PTBP2: variants seen among roughly 807,000 people sequenced by gnomAD.
The protein encoded by PTBP2 is polypyrimidine tract-binding protein 2.
A neutral mutation model predicts 61.4 loss-of-function variants in PTBP2; 13 were observed. The observed-to-expected ratio is 0.21, with a 90% confidence interval of 0.14 to 0.34. PTBP2 has a LOEUF of 0.34. Among genes scored for constraint, PTBP2 ranks in the 10% least tolerant of loss-of-function variants. The probability of loss-of-function intolerance (pLI) is 1.00; values close to 1 mark genes in which losing one functional copy is unlikely to be tolerated. For missense variants in PTBP2, 405 were observed against 642.6 expected, an observed-to-expected ratio of 0.63 and a Z score of 4.00; for synonymous variants, 215 against 218.5, an observed-to-expected ratio of 0.98 and a Z score of 0.14.
At chr1:96,791,864 C>T (rs1447833181) in intron 8 of PTBP2, among the ~76,000 whole-genome samples, 2 of 66,878 alleles carry the variant, frequency 3.0e-5, no homozygotes, top group Non-Finnish European at 4.8e-5. Context: ...TAGAGTCTGG[C>T]TCTGTCACCC....
At chr1:96,797,381 T>G (rs1390089727) in intron 8 of PTBP2, among the ~76,000 whole-genome samples, 4 of 152,178 alleles carry the variant, frequency 2.6e-5, no homozygotes, top group Non-Finnish European at 5.9e-5. Flanking sequence ...AGTGTAGTTG[T>G]TAGTGGTAGA....
Position 96,769,879 on chromosome 1 carries a change from C to T in PTBP2, c.288+4C>T, listed in dbSNP as rs758465346. ...TATGCTGAAAGGAAAAAATCAGGTACACTTCTTTCAGGGTTTATGAAATGT... is the reference window on the plus strand; with the variant it reads ...TATGCTGAAAGGAAAAAATCAGGTATACTTCTTTCAGGGTTTATGAAATGT... On this transcript the variant is annotated splice_donor_region_variant and intron_variant, in intron 4 of 13. Coordinates refer to ENST00000674951, the MANE Select transcript of PTBP2 (RefSeq NM_021190.4). 23 of 1,579,072 alleles carry T rather than the reference C, an allele frequency of 1.5e-5. No homozygotes were observed. In the South Asian group the frequency reaches 2.6e-4, roughly 18 times the overall value.
chr1:96,756,861 A>G (rs897949127), intron 3 of PTBP2, among the ~76,000 whole-genome samples: 2 of 152,210 alleles, frequency 1.3e-5, no homozygotes, highest in African/African-American at 4.8e-5. Flanking sequence ...TGATAGATAC[A>G]TGTCATACAT....
chr1:96,750,608 A>G (rs925777087), intron 2 of PTBP2, among the ~76,000 whole-genome samples: 6 of 151,710 alleles, frequency 4.0e-5, no homozygotes, highest in African/African-American at 1.2e-4. Flanking sequence ...TCCTTTGCAC[A>G]TTTTTTTCAT....
intron 2 of PTBP2, among the ~76,000 whole-genome samples, chr1:96,744,521 T>A (rs1182307080): frequency 6.6e-6 from 1 of 152,210 alleles, no homozygotes; most frequent in Non-Finnish European, 1.5e-5. Flanking sequence ...CCACGTCTTA[T>A]GTCTTGATCA....
intron 2 of PTBP2, among the ~76,000 whole-genome samples, chr1:96,733,188 G>GCTAA (rs558415679): frequency 1.2e-3 from 178 of 151,270 alleles, no homozygotes; most frequent in African/African-American, 4.1e-3. Context: ...ACATAACTCG[G>GCTAA]CTGTTAGCTT....
chr1:96,770,675 T>C, intron 4 of PTBP2, 33 bp from the exon 5 acceptor site: 1 of 1,552,828 alleles, frequency 6.4e-7, no homozygotes, highest in African/African-American at 1.4e-5. Context: ...TTTGAATTTA[T>C]AGTATTAAAA....
chr1:96,725,490 G>T (rs1007810347), intron 2 of PTBP2, among the ~76,000 whole-genome samples: 1 of 151,888 alleles, frequency 6.6e-6, no homozygotes, highest in Admixed American at 6.6e-5. Flanking sequence ...TAGTAGAGAC[G>T]GGGTTTCACC....
chr1:96,817,538 A>G (rs1662531518), downstream of PTBP2: 1 of 152,150 alleles, frequency 6.6e-6, no homozygotes, highest in South Asian at 2.1e-4. Flanking sequence ...ATTCACATTA[A>G]GAACTGTTCA....
rs1433112975 is a variant in PTBP2, at chr1:96,777,492, GT to G, written c.433-91del. On this transcript the variant is annotated intron_variant, in intron 5 of 13. Coordinates refer to ENST00000674951, the MANE Select transcript of PTBP2 (RefSeq NM_021190.4). ...ATTTAATTTTGTTTAATCTGTGTAAGTTCTAGGAACAAAGTGAACTAGTAGT... is the reference window on the plus strand; with the variant it reads ...ATTTAATTTTGTTTAATCTGTGTAAGTCTAGGAACAAAGTGAACTAGTAGT... The G allele has an allele frequency of 7.7e-6, 9 of 1,166,652 alleles. No individual in the cohort carries two copies. In the African/African-American group the frequency reaches 1.4e-4, roughly 18 times the overall value. The allele number at this position is 1,166,652 out of a possible 1,614,324, so 72.3% of individuals were successfully genotyped here.
intron 1 of PTBP2, among the ~76,000 whole-genome samples, chr1:96,723,330 A>G (rs1649899992): frequency 6.6e-6 from 1 of 152,150 alleles, no homozygotes; most frequent in Admixed American, 6.5e-5. Context: ...TGGCTATTGA[A>G]TGTGTTGTTA....
chr1:96,808,678 AT>A (rs1661732505), intron 11 of PTBP2, among the ~76,000 whole-genome samples: 2 of 152,118 alleles, frequency 1.3e-5, no homozygotes, highest in African/African-American at 2.4e-5. Flanking sequence ...AGGGCTTATA[AT>A]TTTTGGACTA....
chr1:96,764,381 T>C (rs959913291), intron 3 of PTBP2, among the ~76,000 whole-genome samples: 1 of 152,224 alleles, frequency 6.6e-6, no homozygotes, highest in Non-Finnish European at 1.5e-5. Flanking sequence ...TTTGTAACTA[T>C]TTAGCAGTGA....
At chr1:96,726,680 G>A (rs1650589548) in intron 2 of PTBP2, among the ~76,000 whole-genome samples, 1 of 152,066 alleles carries the variant, frequency 6.6e-6, no homozygotes, top group African/African-American at 2.4e-5. Flanking sequence ...CTCGTGATCT[G>A]CCTGCCTCGG....
At chr1:96,760,060 C>G (rs554723430) in intron 3 of PTBP2, among the ~76,000 whole-genome samples, 1 of 152,240 alleles carries the variant, frequency 6.6e-6, no homozygotes, top group Admixed American at 6.5e-5. Flanking sequence ...CCCCATGATT[C>G]AGTTAACTCC....
chr1:96,797,277 C>G (rs1660489046), intron 8 of PTBP2, among the ~76,000 whole-genome samples: 1 of 151,694 alleles, frequency 6.6e-6, no homozygotes, highest in African/African-American at 2.4e-5. Flanking sequence ...TTGAGGGAGA[C>G]CAAAAATGAC....
At chr1:96,820,926 A>G (rs1662665041) in exon 14 of PTBP2, 1 of 152,160 alleles carries the variant, frequency 6.6e-6, no homozygotes, top group Admixed American at 6.5e-5. Context: ...CTGACTTACT[A>G]CTTTCAAATA....
intron 7 of PTBP2, among the ~76,000 whole-genome samples, chr1:96,782,229 G>A (rs1490419600): frequency 6.6e-6 from 1 of 151,866 alleles, no homozygotes; most frequent in African/African-American, 2.4e-5. Context: ...CTGTTTATAT[G>A]ATCATTTTAT....
chr1:96,727,556 C>T (rs1319963756), intron 2 of PTBP2, among the ~76,000 whole-genome samples: 2 of 152,148 alleles, frequency 1.3e-5, no homozygotes, highest in East Asian at 3.9e-4. Context: ...TCTTTAATGC[C>T]TGTTATCTTC....
Sources: gnomAD v4.1 joint callset for allele counts (sites outside exome capture counted in the v4.1 genomes callset) on GRCh38, gnomAD v4.1.1 for gene constraint, MANE v1.5 for transcripts, NCBI Gene and HGNC (gene_info 2026-07-23, HGNC 2026-07-21) for gene names.